Variants in CHST9 observed in about 807,000 individuals in gnomAD.
The protein encoded by CHST9 is GalNAc-4-sulfotransferase 2.
A neutral mutation model predicts 44.4 loss-of-function variants in CHST9; 41 were observed. The ratio of observed to expected loss-of-function variants is 0.92; its 90% CI spans 0.72 to 1.20. The LOEUF is 1.20. Ranked by LOEUF, CHST9 falls within the 50% of genes most tolerant of loss-of-function variation. The pLI, the probability that CHST9 is intolerant of heterozygous loss-of-function variation, is 0.00. For synonymous variants in CHST9, 171 were observed against 178.4 expected, an observed-to-expected ratio of 0.96 and a Z score of 0.33; for missense variants, 504 against 516.5, an observed-to-expected ratio of 0.98 and a Z score of 0.23.
intron 2 of CHST9, among the ~76,000 whole-genome samples, chr18:27,100,588 T>G (rs1035829658): frequency 2.0e-5 from 3 of 152,178 alleles, no homozygotes; most frequent in Admixed American, 2.0e-4. Flanking sequence ...TGTGGTTTTA[T>G]GTGTAAAATG....
At chr18:27,107,055 G>A (rs916626942) in intron 2 of CHST9, among the ~76,000 whole-genome samples, 3 of 152,120 alleles carry the variant, frequency 2.0e-5, no homozygotes, top group Admixed American at 1.3e-4. Context: ...AAAGGCCATT[G>A]GGAAGAAAAA....
intron 2 of CHST9, among the ~76,000 whole-genome samples, chr18:27,085,527 A>C (rs1226144788): frequency 6.6e-6 from 1 of 152,212 alleles, no homozygotes; most frequent in Non-Finnish European, 1.5e-5. Flanking sequence ...AATGCTCAAA[A>C]TCACTAATCA....
intron 1 of CHST9, among the ~76,000 whole-genome samples, chr18:27,151,849 C>T (rs2058662169): frequency 6.6e-6 from 1 of 152,162 alleles, no homozygotes; most frequent in South Asian, 2.1e-4. Flanking sequence ...TTCTGACCTA[C>T]AGAACTGTAA....
chr18:26,989,684 G>A (rs1037100644), intron 4 of CHST9, among the ~76,000 whole-genome samples: 5 of 152,242 alleles, frequency 3.3e-5, no homozygotes, highest in Admixed American at 6.5e-5. Context: ...TATTCATCGA[G>A]GCTGCGCCTG....
At chr18:27,005,569 T>C (rs975924425) in intron 4 of CHST9, among the ~76,000 whole-genome samples, 5 of 152,214 alleles carry the variant, frequency 3.3e-5, no homozygotes, top group Admixed American at 6.5e-5. Context: ...AAATTGTCTA[T>C]GAATTTAAAC....
intron 2 of CHST9, among the ~76,000 whole-genome samples, chr18:27,092,245 T>A (rs2058076194): frequency 6.6e-6 from 1 of 152,220 alleles, no homozygotes; most frequent in South Asian, 2.1e-4. Context: ...GTGTTTATAG[T>A]ATTATCTGAT....
intron 4 of CHST9, among the ~76,000 whole-genome samples, chr18:26,962,748 C>G (rs2056416547): frequency 6.6e-6 from 1 of 152,138 alleles, no homozygotes; most frequent in African/African-American, 2.4e-5. Context: ...ATCACCATCG[C>G]CTGGGGTAGT....
chr18:27,119,675 G>A (rs1158881224), intron 2 of CHST9, among the ~76,000 whole-genome samples: 1 of 112,782 alleles, frequency 8.9e-6, no homozygotes, highest in Non-Finnish European at 1.8e-5. Flanking sequence ...TTTTCTACTT[G>A]CTCTCTAAGC....
chr18:26,921,596 C>T (rs1337448519), intron 5 of CHST9, among the ~76,000 whole-genome samples: 3 of 152,106 alleles, frequency 2.0e-5, no homozygotes, highest in African/African-American at 7.2e-5. Flanking sequence ...AGCAAAGACT[C>T]CATGACTAAG....
At chr18:27,015,585 G>A (rs969744078) in intron 4 of CHST9, among the ~76,000 whole-genome samples, 2 of 152,106 alleles carry the variant, frequency 1.3e-5, no homozygotes, top group Non-Finnish European at 2.9e-5. Context: ...GCTAGCATAT[G>A]TGTACATACT....
chr18:27,174,766 A>G (rs2058856111), intron 1 of CHST9, among the ~76,000 whole-genome samples: 1 of 152,020 alleles, frequency 6.6e-6, no homozygotes, highest in South Asian at 2.1e-4. Flanking sequence ...GTTCACGGAT[A>G]CTTTTCTTAG....
intron 3 of CHST9, among the ~76,000 whole-genome samples, chr18:27,033,947 A>G (rs184408269): frequency 6.6e-6 from 1 of 152,196 alleles, no homozygotes; most frequent in East Asian, 1.9e-4. Context: ...GCATTCCTCC[A>G]TTACTTACAT....
chr18:27,182,189 A>G (rs1196548346), intron 1 of CHST9, among the ~76,000 whole-genome samples: 1 of 152,146 alleles, frequency 6.6e-6, no homozygotes, highest in African/African-American at 2.4e-5. Flanking sequence ...TCTCCTCAAT[A>G]ATTCATTTTT....
At chr18:27,159,995 T>G (rs2143924763) in intron 1 of CHST9, among the ~76,000 whole-genome samples, 1 of 152,336 alleles carries the variant, frequency 6.6e-6, no homozygotes, top group Non-Finnish European at 1.5e-5. Flanking sequence ...CTTATCAGCT[T>G]AAGGAGATTT....
chr18:26,926,407 T>C (rs2055768790), intron 5 of CHST9, among the ~76,000 whole-genome samples: 2 of 152,180 alleles, frequency 1.3e-5, no homozygotes, highest in African/African-American at 2.4e-5. Context: ...GAAGTTTCTA[T>C]TGGAAACAGT....
intron 2 of CHST9, among the ~76,000 whole-genome samples, chr18:27,133,562 G>A (rs2058489751): frequency 6.6e-6 from 1 of 152,214 alleles, no homozygotes; most frequent in Admixed American, 6.5e-5. Context: ...AGGGGCAGCT[G>A]TGGGACACTG....
chr18:27,181,422 G>A (rs1414063274), intron 1 of CHST9, among the ~76,000 whole-genome samples: 1 of 152,150 alleles, frequency 6.6e-6, no homozygotes, highest in African/African-American at 2.4e-5. Flanking sequence ...CAATAATTGA[G>A]AGGTTCTCTT....
At chr18:27,073,388 G>A (rs1011168633) in intron 2 of CHST9, among the ~76,000 whole-genome samples, 7 of 126,996 alleles carry the variant, frequency 5.5e-5, no homozygotes, top group South Asian at 3.0e-4. Context: ...CACTGGTAGC[G>A]CCCAGCTGAT....
chr18:27,092,302 T>C (rs1437704585), intron 2 of CHST9, among the ~76,000 whole-genome samples: 1 of 152,182 alleles, frequency 6.6e-6, no homozygotes, highest in Non-Finnish European at 1.5e-5. Flanking sequence ...CCCTTTATGA[T>C]TTTTTGTTGC....
Sources: allele counts gnomAD v4.1 joint callset (sites outside exome capture counted in the v4.1 genomes callset), GRCh38; gene constraint gnomAD v4.1.1; transcripts MANE v1.5; gene names NCBI Gene and HGNC (gene_info 2026-07-23, HGNC 2026-07-21).